TMEM114: variants seen among roughly 807,000 people sequenced by gnomAD.
TMEM114 encodes the protein claudin-26.
In TMEM114, 6 loss-of-function variants were observed where a neutral mutation model predicts 6.2. That is an observed-to-expected ratio of 0.97 (90% CI 0.53 to 1.91). TMEM114 has a LOEUF of 1.91. Ranked by LOEUF, TMEM114 falls within the 40% of genes most tolerant of loss-of-function variation. The pLI, the probability that TMEM114 is intolerant of heterozygous loss-of-function variation, is 0.01. For synonymous variants in TMEM114, 104 were observed against 73.0 expected, an observed-to-expected ratio of 1.42 and a Z score of -2.16; for missense variants, 218 against 158.3, an observed-to-expected ratio of 1.38 and a Z score of -2.02.
At chr16:8,588,823 C>T (rs1248013891) in intron 2 of TMEM114, among the ~76,000 whole-genome samples, 1 of 152,238 alleles carries the variant, frequency 6.6e-6, no homozygotes, top group South Asian at 2.1e-4. Context: ...TCACCATTCA[C>T]CTCCCGAGGC....
At chr16:8,553,627 C>T (rs532788330) in intron 2 of TMEM114, among the ~76,000 whole-genome samples, 7 of 151,942 alleles carry the variant, frequency 4.6e-5, no homozygotes, top group Admixed American at 1.3e-4. Flanking sequence ...CTGGGACTGC[C>T]GGCGCCTGCC....
At chr16:8,529,495 G>C in the TMEM114 span, among the ~76,000 whole-genome samples, 1 of 152,142 alleles carries the variant, frequency 6.6e-6, no homozygotes, top group Non-Finnish European at 1.5e-5. Context: ...GTGTTTCTAC[G>C]ACTGTGGTCC....
chr16:8,540,089 G>A (rs748296380), intron 2 of TMEM114, among the ~76,000 whole-genome samples: 26 of 152,172 alleles, frequency 1.7e-4, no homozygotes, highest in Non-Finnish European at 3.2e-4. Context: ...CTCCCAAAGT[G>A]CTGGGATTAC....
downstream of TMEM114, among the ~76,000 whole-genome samples, chr16:8,533,199 G>C (rs1189666662): frequency 6.6e-6 from 1 of 152,172 alleles, no homozygotes; most frequent in Non-Finnish European, 1.5e-5. Flanking sequence ...ATAAAATAAA[G>C]TAATTGATGG....
chr16:8,553,546 C>T (rs1900910842), intron 2 of TMEM114, among the ~76,000 whole-genome samples: 1 of 151,866 alleles, frequency 6.6e-6, no homozygotes, highest in Non-Finnish European at 1.5e-5. Flanking sequence ...AGTGCAGTGG[C>T]ACGATCTCGA....
At chr16:8,541,881 C>A (rs1479071763) in intron 2 of TMEM114, among the ~76,000 whole-genome samples, 1 of 152,106 alleles carries the variant, frequency 6.6e-6, no homozygotes, top group Non-Finnish European at 1.5e-5. Context: ...AGGGGTCTGG[C>A]TTACAAAGAC....
chr16:8,588,249 T>C (rs1902375767), intron 2 of TMEM114, among the ~76,000 whole-genome samples: 1 of 149,678 alleles, frequency 6.7e-6, no homozygotes, highest in East Asian at 2.0e-4. Context: ...ATTATGCCAC[T>C]GTACTCCAGC....
intron 2 of TMEM114, among the ~76,000 whole-genome samples, chr16:8,540,643 T>C (rs73505704): frequency 0.028 from 4,203 of 152,210 alleles, 198 homozygotes; most frequent in African/African-American, 0.096. Context: ...AACCAATTTT[T>C]ATTGACCACT....
chr16:8,555,358 G>T lies in TMEM114; in HGVS notation n.213-17532C>A, dbSNP rs568590033. On this transcript the variant is annotated intron_variant and non_coding_transcript_variant, in intron 2 of 2. Coordinates refer to the TMEM114 transcript ENST00000623677. ...AGCAGGGCTACCCCACAGGCAATGT[G>T]CTAAGAGTAGCAGCTCAGGGCAGTT... Among the ~76,000 whole-genome samples the T allele has an allele frequency of 1.2e-4, 19 of 152,352 alleles. No homozygotes were observed. The East Asian group carries it at 3.7e-3, about 29-fold the overall frequency.
At chr16:8,559,420 C>T (rs2141667206) in intron 2 of TMEM114, among the ~76,000 whole-genome samples, 1 of 151,496 alleles carries the variant, frequency 6.6e-6, no homozygotes, top group Admixed American at 6.6e-5. Flanking sequence ...GAGAAAAAAA[C>T]AATGGCTGCT....
intron 2 of TMEM114, among the ~76,000 whole-genome samples, chr16:8,584,718 T>G (rs1902260020): frequency 6.6e-6 from 1 of 151,970 alleles, no homozygotes. Context: ...GGTCAGGAGT[T>G]TGAGATCAGC....
chr16:8,577,760 T>G (rs77719289), intron 2 of TMEM114, among the ~76,000 whole-genome samples: 3 of 151,640 alleles, frequency 2.0e-5, no homozygotes, highest in Non-Finnish European at 4.4e-5. Flanking sequence ...ATTTTTGTAT[T>G]TTTTTTAGTA....
chr16:8,531,404 G>T, the TMEM114 span, among the ~76,000 whole-genome samples: 1 of 152,148 alleles, frequency 6.6e-6, no homozygotes. Context: ...ACTGGAAAAA[G>T]AAGTGTTTCA....
intron 2 of TMEM114, among the ~76,000 whole-genome samples, chr16:8,552,677 C>T (rs564281454): frequency 3.7e-4 from 56 of 150,932 alleles, no homozygotes; most frequent in African/African-American, 6.6e-4. Flanking sequence ...CCACTGCCTG[C>T]GAGCCTATAA....
At chr16:8,550,490 C>T (rs1461230997) in intron 2 of TMEM114, among the ~76,000 whole-genome samples, 4 of 152,014 alleles carry the variant, frequency 2.6e-5, no homozygotes, top group Admixed American at 2.6e-4. Flanking sequence ...AGCAGCCTGA[C>T]CAACATGGTG....
At chr16:8,532,609 T>C (rs1596461386), downstream of TMEM114, among the ~76,000 whole-genome samples, 1 of 152,182 alleles carries the variant, frequency 6.6e-6, no homozygotes. Context: ...ACCTACAACC[T>C]GAATATCATT....
chr16:8,563,181 G>C (rs922707965), intron 2 of TMEM114, among the ~76,000 whole-genome samples: 4 of 139,342 alleles, frequency 2.9e-5, no homozygotes. Flanking sequence ...AAATGAGTGA[G>C]TGAATGAGTG....
At chr16:8,537,544 T>A (rs1900395091), downstream of TMEM114, 2 of 152,194 alleles carry the variant, frequency 1.3e-5, no homozygotes, top group Admixed American at 1.3e-4. Context: ...TATTTATATA[T>A]GATAATAAAT....
chr16:8,572,746 T>G (rs1470966243), intron 2 of TMEM114, among the ~76,000 whole-genome samples: 1 of 152,206 alleles, frequency 6.6e-6, no homozygotes, highest in East Asian at 1.9e-4. Flanking sequence ...AGAGCTGGTT[T>G]CTAACAAGAG....
Sources: allele counts gnomAD v4.1 joint callset (sites outside exome capture counted in the v4.1 genomes callset), GRCh38; gene constraint gnomAD v4.1.1; transcripts MANE v1.5; gene names NCBI Gene and HGNC (gene_info 2026-07-23, HGNC 2026-07-21).